Variants in CUX2 observed in about 807,000 individuals in gnomAD.
CUX2 encodes the protein cut like homeobox 2.
Under a neutral mutation model 144.8 loss-of-function variants are expected in CUX2, and 40 were observed. That is an observed-to-expected ratio of 0.28 (90% confidence interval 0.21 to 0.36). The LOEUF (loss-of-function observed/expected upper bound fraction) is 0.36, where lower values mean the gene tolerates loss of function less well. CUX2 is among the 10% of genes least tolerant of loss of function. CUX2 has a pLI of 1.00. For synonymous variants in CUX2, 827 were observed against 875.6 expected, an observed-to-expected ratio of 0.94 and a Z score of 0.98; for missense variants, 1,615 against 1,994.0, an observed-to-expected ratio of 0.81 and a Z score of 3.62.
At chr12:111,342,187 A>C (rs1032215684) in intron 21 of CUX2, 134 bp downstream of exon 21, 12 of 1,073,626 alleles carry the variant, frequency 1.1e-5, no homozygotes, top group South Asian at 1.1e-4. Flanking sequence ...ACTTAGATAT[A>C]GAACACAGGC....
chr12:111,113,827 G>T (rs1379111385), intron 1 of CUX2, among the ~76,000 whole-genome samples: 1 of 152,230 alleles, frequency 6.6e-6, no homozygotes, highest in Non-Finnish European at 1.5e-5. Flanking sequence ...AAAGTGCAGG[G>T]ATTACAGGCG....
At chr12:111,321,536 TA>T (rs970288913) in intron 17 of CUX2, among the ~76,000 whole-genome samples, 2 of 150,212 alleles carry the variant, frequency 1.3e-5, no homozygotes, top group Non-Finnish European at 3.0e-5. Context: ...CTCTACAAAA[TA>T]AAAAAAATTA....
chr12:111,170,232 C>T (rs1474703726), intron 1 of CUX2, among the ~76,000 whole-genome samples: 1 of 152,062 alleles, frequency 6.6e-6, no homozygotes, highest in Non-Finnish European at 1.5e-5. Context: ...GAGTTCAAGA[C>T]CAGCCTGACC....
intron 1 of CUX2, among the ~76,000 whole-genome samples, chr12:111,100,871 A>G (rs1428593448): frequency 6.6e-6 from 1 of 152,176 alleles, no homozygotes. Context: ...GGGAGCCCCC[A>G]GTAGAGCCCT....
intron 3 of CUX2, among the ~76,000 whole-genome samples, chr12:111,241,939 T>A (rs577890379): frequency 6.6e-6 from 1 of 152,392 alleles, no homozygotes; most frequent in East Asian, 1.9e-4. Context: ...ATGTACAAGA[T>A]GGGCTGATAG....
intron 19 of CUX2, among the ~76,000 whole-genome samples, chr12:111,336,939 C>G (rs1416872550): frequency 6.6e-6 from 1 of 151,740 alleles, no homozygotes; most frequent in African/African-American, 2.4e-5. Flanking sequence ...CTTTGGGAGG[C>G]CGAGGCGGGA....
chr12:111,037,223 C>G lies in CUX2; in HGVS notation c.63+2983C>G, dbSNP rs1869504481. On this transcript the variant is annotated intron_variant, in intron 1 of 21. Coordinates refer to ENST00000261726, the MANE Select transcript of CUX2 (RefSeq NM_015267.4). This position sits in a 1 kb window ranked among gnomAD's most constrained non-coding sequence, Gnocchi z 5.4. Reference sequence around the variant, plus strand: ...GGAGGTGCGTGGCTTTCATTCCTGGCTGTTCAGGTTGAATGGTTTCTCGCA... The same window carrying G: ...GGAGGTGCGTGGCTTTCATTCCTGGGTGTTCAGGTTGAATGGTTTCTCGCA... Among the ~76,000 whole-genome samples, 1 of 152,136 alleles carries G rather than the reference C, an allele frequency of 6.6e-6. No homozygotes were observed. Among genetic ancestry groups the G allele is most frequent in the Admixed American group, 6.5e-5 (1 of 15,274 alleles).
At position 111,070,017 on chromosome 12, in the gene CUX2, A is replaced by G. The variant is rs150663438; in HGVS notation, c.63+35777A>G. On this transcript the variant is annotated intron_variant, in intron 1 of 21. Coordinates refer to ENST00000261726, the MANE Select transcript of CUX2 (RefSeq NM_015267.4). ...GTGATGAGGATGGGAGGGTCGCTGCATGGGGGATGCCGGCCTGGGAGCTCC... is the reference window on the plus strand; with the variant it reads ...GTGATGAGGATGGGAGGGTCGCTGCGTGGGGGATGCCGGCCTGGGAGCTCC... Among the ~76,000 whole-genome samples the G allele has an allele frequency of 4.7e-4, 72 of 152,220 alleles. 1 individual carries two copies. The highest frequency in any genetic ancestry group is 1.6e-3 in the African/African-American group (66 of 41,546).
chr12:111,058,886 T>C (rs564531089), intron 1 of CUX2, among the ~76,000 whole-genome samples: 8 of 152,314 alleles, frequency 5.3e-5, no homozygotes, highest in Non-Finnish European at 1.2e-4. Flanking sequence ...AATACTCATA[T>C]ATATGGGGAG....
At chr12:111,117,637 G>A (rs1874386068) in intron 1 of CUX2, among the ~76,000 whole-genome samples, 1 of 152,190 alleles carries the variant, frequency 6.6e-6, no homozygotes, top group African/African-American at 2.4e-5. Flanking sequence ...AGACCTCCAA[G>A]ATGACACTGA....
intron 1 of CUX2, among the ~76,000 whole-genome samples, chr12:111,129,252 T>C (rs562683825): frequency 6.6e-6 from 1 of 152,362 alleles, no homozygotes; most frequent in South Asian, 2.1e-4. Context: ...ATAAGCATAG[T>C]ATCATAAGTG....
At chr12:111,056,529 C>T (rs1447029909) in intron 1 of CUX2, among the ~76,000 whole-genome samples, 1 of 152,228 alleles carries the variant, frequency 6.6e-6, no homozygotes, top group East Asian at 1.9e-4. Context: ...CTTTGGGCTT[C>T]CTCACAGCAT....
intron 1 of CUX2, among the ~76,000 whole-genome samples, chr12:111,069,053 C>G (rs116557841): frequency 2.0e-5 from 3 of 151,868 alleles, no homozygotes; most frequent in Admixed American, 1.3e-4. Flanking sequence ...TTGCAGTGTC[C>G]GTAGATCGCA....
intron 1 of CUX2, among the ~76,000 whole-genome samples, chr12:111,177,478 C>T (rs1170231391): frequency 6.6e-6 from 1 of 152,130 alleles, no homozygotes; most frequent in Non-Finnish European, 1.5e-5. Flanking sequence ...GCAGCCTCTA[C>T]CTTCCAGGCT....
chr12:111,293,384 C>T lies in CUX2; in HGVS notation c.437-62C>T, dbSNP rs1194473223. The T allele has an allele frequency of 1.2e-5, 18 of 1,543,680 alleles. No homozygotes were observed. In the East Asian group the frequency reaches 1.8e-4, roughly 16 times the overall value. ...AATGATCGATCCGGTTTACAGAAAGCGGCTCTGGCTGCCACGTTGCTCTCT... is the reference window on the plus strand; with the variant it reads ...AATGATCGATCCGGTTTACAGAAAGTGGCTCTGGCTGCCACGTTGCTCTCT... On this transcript the variant is annotated intron_variant, in intron 5 of 21. Transcript: ENST00000261726. This position sits in a 1 kb window ranked among gnomAD's most constrained non-coding sequence, Gnocchi z 4.5.
In CUX2 at chr12:111,348,111, C is replaced by T; in HGVS notation, c.4247C>T (p.Ser1416Phe). 6 of 1,614,188 alleles carry T rather than the reference C, an allele frequency of 3.7e-6. No individual in the cohort carries two copies. The highest frequency in any genetic ancestry group is 2.2e-5 in the South Asian group (2 of 91,078). The change falls in exon 22 of 22, where the codon TCC (serine) becomes TTC (phenylalanine). Residue 1416 changes from serine to phenylalanine, a missense_variant. By Grantham distance (155) the Ser-to-Phe change is radical. This residue lies in a region of CUX2 where 298 missense variants were observed against 330.4 expected (regional missense o/e 0.90). Transcript: ENST00000261726. ...LMMSVSPVPS[S>F]SAPISPSPPG... The stretch of plus-strand genomic sequence containing the variant: ...ATGTCTGTGTCACCTGTCCCCTCCT[C>T]CTCAGCTCCCATCTCCCCATCCCCA...
At chr12:111,203,544 C>T in intron 1 of CUX2, among the ~76,000 whole-genome samples, 1 of 84,710 alleles carries the variant, frequency 1.2e-5, no homozygotes, top group East Asian at 3.3e-4. Context: ...GACTCTCTCT[C>T]AAAAAAAAAA....
intron 1 of CUX2, among the ~76,000 whole-genome samples, chr12:111,096,092 G>C (rs190972330): frequency 6.6e-6 from 1 of 152,200 alleles, no homozygotes; most frequent in Non-Finnish European, 1.5e-5. Flanking sequence ...CAAGTGGCTC[G>C]TGGATGAGTG....
chr12:111,187,067 C>A (rs1879586477), intron 1 of CUX2, among the ~76,000 whole-genome samples: 1 of 152,248 alleles, frequency 6.6e-6, no homozygotes, highest in South Asian at 2.1e-4. Context: ...GCATGAGCCA[C>A]TGTGCCTGGC....
Sources: gnomAD v4.1 joint callset for allele counts (sites outside exome capture counted in the v4.1 genomes callset) on GRCh38, gnomAD v4.1.1 for gene constraint, gnomAD v4.1.1 regional missense constraint, Gnocchi (gnomAD v3.1) non-coding constraint, MANE v1.5 for transcripts, NCBI Gene and HGNC (gene_info 2026-07-23, HGNC 2026-07-21) for gene names.